The following SPP1 variants were observed in gnomAD, a reference collection of about 807,000 sequenced individuals.
SPP1 encodes osteopontin.
SPP1 carries 18 observed loss-of-function variants against 20.8 expected under a neutral mutation model. The observed-to-expected ratio is 0.87, with a 90% CI of 0.60 to 1.29. The LOEUF (loss-of-function observed/expected upper bound fraction) is 1.29, where lower values mean the gene tolerates loss of function less well. Ranked by LOEUF, SPP1 falls within the 50% of genes most tolerant of loss-of-function variation. The pLI, the probability that SPP1 is intolerant of heterozygous loss-of-function variation, is 0.00. For synonymous variants in SPP1, 146 were observed against 141.5 expected, an observed-to-expected ratio of 1.03 and a Z score of -0.23; for missense variants, 363 against 389.0, an observed-to-expected ratio of 0.93 and a Z score of 0.56.
chr4:87,980,454 C>A lies in SPP1; in HGVS notation c.216+20C>A. 6.2e-7 allele frequency: 1 copy of A among 1,613,340 alleles called. No homozygotes were observed. The highest frequency in any genetic ancestry group is 1.1e-5 in the South Asian group (1 of 90,872). On this transcript the variant is annotated intron_variant, in intron 5 of 6. Coordinates refer to ENST00000395080, the MANE Select transcript of SPP1 (RefSeq NM_001040058.2). ...CAAGAGGTAAGTTCTCATTTTCAAT[C>A]AGAGGCCCATCATGCCTTGAAGAGA...
In SPP1 at chr4:87,982,727, A is replaced by G; in HGVS notation, c.776A>G (p.Asp259Gly). The stretch of plus-strand genomic sequence containing the variant: ...AATGATGAGAGCAATGAGCATTCCG[A>G]TGTGATTGATAGTCAGGAACTTTCC... ...KANDESNEHS[D>G]VIDSQELSKV... Residue 259 changes from aspartate to glycine, a missense_variant, in exon 7 of 7, where the codon GAT (aspartate) becomes GGT (glycine). Physicochemically the swap from Asp to Gly is moderately conservative, Grantham distance 94. Coordinates refer to ENST00000395080, the MANE Select transcript of SPP1 (RefSeq NM_001040058.2). The G allele has an allele frequency of 6.2e-7, 1 of 1,614,142 alleles. No homozygotes were observed. The highest frequency in any genetic ancestry group is 8.5e-7 in the Non-Finnish European group (1 of 1,180,030).
chr4:87,976,975 A>G (rs751114621), intron 2 of SPP1, 26 bp downstream of exon 2: 4 of 1,613,496 alleles, frequency 2.5e-6, no homozygotes, highest in Non-Finnish European at 3.4e-6. Flanking sequence ...TCTTAAAGAA[A>G]ATTCCTGAAA....
At chr4:87,977,641 TTATTA>T in intron 3 of SPP1, 1 of 1,120,394 alleles carries the variant, frequency 8.9e-7, no homozygotes, top group Non-Finnish European at 1.1e-6. Flanking sequence ...ACCAAACTCT[TTATTA>T]TAATTATTTG....
intron 5 of SPP1, 33 bp downstream of exon 5, chr4:87,980,467 T>C (rs775991230): frequency 9.9e-6 from 16 of 1,608,288 alleles, no homozygotes; most frequent in Non-Finnish European, 1.2e-5. Flanking sequence ...AGGCCCATCA[T>C]GCCTTGAAGA....
intron 3 of SPP1, among the ~76,000 whole-genome samples, 173 bp from the exon 4 acceptor site, chr4:87,979,873 G>T (rs1392983671): frequency 1.3e-5 from 2 of 151,086 alleles, no homozygotes; most frequent in Non-Finnish European, 2.9e-5. Context: ...CCCACAGTAA[G>T]TGCTACATAA....
chr4:87,976,748 C>T (rs1725392230), intron 1 of SPP1, 134 bp from the exon 2 acceptor site: 3 of 558,732 alleles, frequency 5.4e-6, no homozygotes, highest in Admixed American at 3.2e-5. Flanking sequence ...AAAGAAAAGG[C>T]ATCTCTAAGA....
chr4:87,979,866 A>G (rs1401675787), intron 3 of SPP1, among the ~76,000 whole-genome samples, 180 bp from the exon 4 acceptor site: 1 of 152,032 alleles, frequency 6.6e-6, no homozygotes, highest in African/African-American at 2.4e-5. Context: ...TGCCTAGCCC[A>G]CAGTAAGTGC....
chr4:87,979,226 G>T (rs998322744), intron 3 of SPP1, among the ~76,000 whole-genome samples: 14 of 142,738 alleles, frequency 9.8e-5, no homozygotes, highest in Admixed American at 5.1e-4. Flanking sequence ...GTGCAGTGGC[G>T]CAATCTTGGC....
chr4:87,976,906 C>T lies in SPP1; in HGVS notation c.11C>T (p.Ala4Val), dbSNP rs1560580613. 1 of 1,613,244 alleles carries T rather than the reference C, an allele frequency of 6.2e-7. No homozygotes were observed. Among genetic ancestry groups the T allele is most frequent in the East Asian group, 2.2e-5 (1 of 44,840 alleles). The change falls in exon 2 of 7, where the codon GCA (alanine) becomes GTA (valine). Residue 4 changes from alanine to valine, a missense_variant. Physicochemically the swap from Ala to Val is moderately conservative, Grantham distance 64. Transcript: ENST00000395080. MRI[A>V]VICFCLLGIT... ...GGAAAACTCACTACCATGAGAATTGCAGTGATTTGCTTTTGCCTCCTAGGC... is the reference window on the plus strand; with the variant it reads ...GGAAAACTCACTACCATGAGAATTGTAGTGATTTGCTTTTGCCTCCTAGGC...
In SPP1 at chr4:87,981,800, T is replaced by C. The variant is rs1474236878; in HGVS notation, c.540+2T>C. The stretch of plus-strand genomic sequence containing the variant: ...AAGTTTCGCAGACCTGACATCCAGG[T>C]AAATCCTTTAACAGACACACCTGAT... On this transcript the variant is annotated splice_donor_variant, in intron 6 of 6. Transcript: ENST00000395080. LOFTEE classifies it high-confidence loss of function. The C allele has an allele frequency of 6.2e-7, 1 of 1,612,756 alleles. No individual in the cohort carries two copies. Among genetic ancestry groups the C allele is most frequent in the Admixed American group, 1.7e-5 (1 of 59,998 alleles).
intron 3 of SPP1, among the ~76,000 whole-genome samples, chr4:87,978,176 A>G (rs1488998640): frequency 6.6e-6 from 1 of 152,200 alleles, no homozygotes; most frequent in African/African-American, 2.4e-5. Flanking sequence ...CACACTGGTT[A>G]TCTGTGAGTG....
At chr4:87,976,086 A>G (rs1725367272) in intron 1 of SPP1, among the ~76,000 whole-genome samples, 1 of 152,258 alleles carries the variant, frequency 6.6e-6, no homozygotes, top group African/African-American at 2.4e-5. Context: ...CCCCTTTGGA[A>G]TAATTATACC....
Position 87,983,329 on chromosome 4 carries a change from T to A in SPP1, c.*433T>A, listed in dbSNP as rs3211530. On this transcript the variant is annotated 3_prime_UTR_variant, in exon 7 of 7. Coordinates refer to ENST00000395080, the MANE Select transcript of SPP1 (RefSeq NM_001040058.2). ...AATAAATCTTTTATCTTGAATGTAA[T>A]AAGAATTTGGTGGTGTCAATTGCTT... 1 of 155,508 alleles carries A rather than the reference T, an allele frequency of 6.4e-6. No individual in the cohort carries two copies. Among genetic ancestry groups the A allele is most frequent in the Non-Finnish European group, 1.4e-5 (1 of 70,088 alleles). 9.6% of individuals were successfully genotyped at this position (155,508 alleles called of 1,614,324 possible).
rs372230290 is a variant in SPP1 at position 87,982,879 on chromosome 4, T to A, written c.928T>A (p.Ser310Thr). 54 of 1,600,458 alleles carry A rather than the reference T, an allele frequency of 3.4e-5. No individual in the cohort carries two copies. The highest frequency in any genetic ancestry group is 4.4e-5 in the Non-Finnish European group (52 of 1,173,486). Residue 310 changes from serine (S) to threonine (T), a missense_variant, in exon 7 of 7, where the codon TCT (serine) becomes ACT (threonine). By Grantham distance (58) the Ser-to-Thr change is moderately conservative (BLOSUM62 1). Coordinates refer to ENST00000395080, the MANE Select transcript of SPP1 (RefSeq NM_001040058.2). ...FRISHELDSA[S>T]SEVN ...TATTTCTCATGAATTAGATAGTGCA[T>A]CTTCTGAGGTCAATTAAAAGGAGAA...
intron 3 of SPP1, among the ~76,000 whole-genome samples, chr4:87,977,388 C>T (rs1725423267): frequency 6.6e-6 from 1 of 152,056 alleles, no homozygotes; most frequent in African/African-American, 2.4e-5. Flanking sequence ...ACTTTTTTTC[C>T]ATTAGTCCAC....
At chr4:87,979,908 A>C in intron 3 of SPP1, 138 bp from the exon 4 acceptor site, 2 of 780,040 alleles carry the variant, frequency 2.6e-6, no homozygotes, top group Non-Finnish European at 4.0e-6. Flanking sequence ...AATCTGCAAA[A>C]AAAAAAAAAT....
chr4:87,981,456 C>G lies in SPP1; in HGVS notation c.217-19C>G. On this transcript the variant is annotated intron_variant, in intron 5 of 6. Transcript: ENST00000395080. ...ATAAAAACCCATATATTAATTTTCC[C>G]GGCCATCTTAATTTTCAGACCCTTC... 1 of 1,604,692 alleles carries G rather than the reference C, an allele frequency of 6.2e-7. No homozygotes were observed.
Position 87,983,353 on chromosome 4 carries a change from T to C in SPP1, c.*457T>C, listed in dbSNP as rs908664982. The C allele has an allele frequency of 1.9e-5, 3 of 155,252 alleles. No homozygotes were observed. Among genetic ancestry groups the C allele is most frequent in the African/African-American group, 7.2e-5 (3 of 41,606 alleles). 9.6% of individuals were successfully genotyped at this position (155,252 alleles called of 1,614,324 possible). ...ATAAGAATTTGGTGGTGTCAATTGCTTATTTGTTTTCCCACGGTTGTCCAG... is the reference window on the plus strand; with the variant it reads ...ATAAGAATTTGGTGGTGTCAATTGCCTATTTGTTTTCCCACGGTTGTCCAG... On this transcript the variant is annotated 3_prime_UTR_variant, in exon 7 of 7. Coordinates refer to ENST00000395080, the MANE Select transcript of SPP1 (RefSeq NM_001040058.2).
Position 87,976,932 on chromosome 4 carries a change from A to T in SPP1, c.37A>T (p.Ile13Phe). ...AGTGATTTGCTTTTGCCTCCTAGGC[A>T]TCACCTGTGCCATACCAGTGAGTAC... ...IAVICFCLLGITCAIPVKQAD... is the reference protein window; with the variant it reads ...IAVICFCLLGFTCAIPVKQAD... The change falls in exon 2 of 7, where the codon ATC (isoleucine) becomes TTC (phenylalanine). Residue 13 changes from isoleucine (I) to phenylalanine (F), a missense_variant. Ile to Phe is a conservative substitution (Grantham distance 21). Coordinates refer to ENST00000395080, the MANE Select transcript of SPP1 (RefSeq NM_001040058.2). The T allele has an allele frequency of 6.2e-7, 1 of 1,613,784 alleles. No homozygotes were observed. The highest frequency in any genetic ancestry group is 2.2e-5 in the East Asian group (1 of 44,860).
Sources: allele counts gnomAD v4.1 joint callset (sites outside exome capture counted in the v4.1 genomes callset), GRCh38; gene constraint gnomAD v4.1.1; transcripts MANE v1.5; gene names NCBI Gene and HGNC (gene_info 2026-07-23, HGNC 2026-07-21).